The following TNFSF4 variants were observed in gnomAD, a reference collection of about 807,000 sequenced individuals.
TNFSF4 encodes tumor necrosis factor ligand superfamily member 4.
A neutral mutation model predicts 7.3 loss-of-function variants in TNFSF4; 4 were observed. That is an observed-to-expected ratio of 0.55 (90% confidence interval 0.27 to 1.25). The LOEUF is 1.25. Among genes scored for constraint, TNFSF4 ranks in the 50% most tolerant of loss-of-function variants. TNFSF4 has a pLI of 0.12. For synonymous variants in TNFSF4, 76 were observed against 83.7 expected (o/e 0.91, Z 0.50); for missense variants, 181 against 208.8 (o/e 0.87, Z 0.82).
intron 1 of TNFSF4, chr1:173,205,562 A>G: frequency 7.8e-7 from 1 of 1,282,698 alleles, no homozygotes; most frequent in Non-Finnish European, 9.9e-7. Context: ...GTGTTTTATC[A>G]TCCCATGGTG....
chr1:173,205,626 G>A, intron 1 of TNFSF4: 2 of 1,092,408 alleles, frequency 1.8e-6, no homozygotes, highest in South Asian at 3.9e-5. Flanking sequence ...AGGGCTCCCA[G>A]ACTGGTGAAT....
the TNFSF4 span, among the ~76,000 whole-genome samples, chr1:173,295,545 C>T: frequency 6.6e-6 from 1 of 151,984 alleles, no homozygotes; most frequent in African/African-American, 2.4e-5. Flanking sequence ...GTTGGCTCAA[C>T]TTTAATTTTC....
the TNFSF4 span, among the ~76,000 whole-genome samples, chr1:173,310,406 CA>C: frequency 4.0e-5 from 6 of 151,740 alleles, no homozygotes; most frequent in African/African-American, 1.2e-4. Flanking sequence ...ATATTTGACC[CA>C]GGGGTATTCA....
the TNFSF4 span, among the ~76,000 whole-genome samples, chr1:173,233,975 C>T: frequency 1.3e-5 from 2 of 152,132 alleles, no homozygotes; most frequent in Non-Finnish European, 2.9e-5. Context: ...AGAGCTTCTG[C>T]ACAGCAAAAG....
intron 1 of TNFSF4, among the ~76,000 whole-genome samples, chr1:173,190,890 T>A (rs1649449410): frequency 6.6e-6 from 1 of 152,248 alleles, no homozygotes; most frequent in Admixed American, 6.5e-5. Flanking sequence ...TCTCCTTAGA[T>A]GGCAGTTTCT....
the TNFSF4 span, among the ~76,000 whole-genome samples, chr1:173,410,815 T>G: frequency 6.6e-6 from 1 of 152,214 alleles, no homozygotes; most frequent in East Asian, 1.9e-4. Context: ...AACTTTGGCC[T>G]AGGACTTGCC....
At chr1:173,225,876 A>T in the TNFSF4 span, among the ~76,000 whole-genome samples, 1 of 152,262 alleles carries the variant, frequency 6.6e-6, no homozygotes, top group African/African-American at 2.4e-5. Context: ...GGAGAATCAT[A>T]CCAACTACAG....
At chr1:173,353,250 T>C in the TNFSF4 span, among the ~76,000 whole-genome samples, 1 of 152,194 alleles carries the variant, frequency 6.6e-6, no homozygotes, top group African/African-American at 2.4e-5. Context: ...ATTGGGGAAG[T>C]GATAAATATC....
the TNFSF4 span, chr1:173,441,943 C>T: frequency 2.6e-5 from 4 of 152,184 alleles, no homozygotes; most frequent in Non-Finnish European, 5.9e-5. Context: ...AAGGTCTCAT[C>T]CATCTTTCAC....
the TNFSF4 span, among the ~76,000 whole-genome samples, chr1:173,297,336 G>A: frequency 6.6e-6 from 1 of 151,962 alleles, no homozygotes; most frequent in Non-Finnish European, 1.5e-5. Flanking sequence ...AAGATCACTG[G>A]TATGGCAGAC....
At chr1:173,275,896 T>G in the TNFSF4 span, among the ~76,000 whole-genome samples, 1 of 152,140 alleles carries the variant, frequency 6.6e-6, no homozygotes, top group African/African-American at 2.4e-5. Flanking sequence ...ACTATTCTAG[T>G]AGCTTAACAT....
chr1:173,226,457 C>A, the TNFSF4 span, among the ~76,000 whole-genome samples: 1 of 152,176 alleles, frequency 6.6e-6, no homozygotes, highest in East Asian at 1.9e-4. Flanking sequence ...AAATGAGCAT[C>A]TCTCCCTATG....
chr1:173,224,562 G>T, the TNFSF4 span, among the ~76,000 whole-genome samples: 1 of 152,166 alleles, frequency 6.6e-6, no homozygotes, highest in African/African-American at 2.4e-5. Context: ...GCTGAGCACT[G>T]CATGTGGTAA....
At chr1:173,291,950 G>A in the TNFSF4 span, among the ~76,000 whole-genome samples, 1 of 150,416 alleles carries the variant, frequency 6.6e-6, no homozygotes, top group African/African-American at 2.4e-5. Flanking sequence ...TTGAAACCCT[G>A]AACACAACAG....
At chr1:173,173,686 G>A in the TNFSF4 span, among the ~76,000 whole-genome samples, 45 of 152,328 alleles carry the variant, frequency 3.0e-4, no homozygotes, top group South Asian at 2.5e-3. Flanking sequence ...GGCTTGCACC[G>A]TCTGAAGCAA....
chr1:173,200,311 A>G (rs1413741270), intron 1 of TNFSF4, among the ~76,000 whole-genome samples: 1 of 152,220 alleles, frequency 6.6e-6, no homozygotes, highest in Non-Finnish European at 1.5e-5. Context: ...GTAAAACTGC[A>G]CACCATCTTT....
chr1:173,397,422 A>G, the TNFSF4 span, among the ~76,000 whole-genome samples: 1 of 152,184 alleles, frequency 6.6e-6, no homozygotes, highest in Non-Finnish European at 1.5e-5. Flanking sequence ...GGACCTTTTC[A>G]GGACTACTGG....
At chr1:173,243,829 T>C in the TNFSF4 span, among the ~76,000 whole-genome samples, 3 of 152,150 alleles carry the variant, frequency 2.0e-5, no homozygotes, top group Admixed American at 1.3e-4. Flanking sequence ...GTGGTGAGGC[T>C]ATTCTGCAGT....
chr1:173,277,415 C>G, the TNFSF4 span, among the ~76,000 whole-genome samples: 1 of 151,994 alleles, frequency 6.6e-6, no homozygotes, highest in Non-Finnish European at 1.5e-5. Context: ...ACCTATTGAC[C>G]CCAATTTTGG....
Sources: gnomAD v4.1 joint callset for allele counts (sites outside exome capture counted in the v4.1 genomes callset) on GRCh38, gnomAD v4.1.1 for gene constraint, MANE v1.5 for transcripts, NCBI Gene and HGNC (gene_info 2026-07-23, HGNC 2026-07-21) for gene names.